Variants in CALB2 observed in about 807,000 individuals in gnomAD.
CALB2 encodes the protein calbindin 2.
In CALB2, 34 loss-of-function variants were observed where a neutral mutation model predicts 45.9. The observed-to-expected ratio is 0.74, with a 90% CI of 0.56 to 0.99. The LOEUF (loss-of-function observed/expected upper bound fraction) is 0.99. CALB2 is among the 50% of genes least tolerant of loss of function. The probability of loss-of-function intolerance (pLI) is 0.00; values close to 1 mark genes in which losing one functional copy is unlikely to be tolerated. For synonymous variants in CALB2, 142 were observed against 129.6 expected (o/e 1.10, Z -0.65); for missense variants, 344 against 339.3 (o/e 1.01, Z -0.11).
rs960968989 is a variant in CALB2, at chr16:71,384,095, G to A, written c.533+70G>A. 1.2e-5 allele frequency: 18 copies of A among 1,531,572 alleles called. No homozygotes were observed. In the African/African-American group the frequency reaches 1.5e-4, roughly 13 times the overall value. The allele number at this position is 1,531,572 out of a possible 1,614,324, so 94.9% of individuals were successfully genotyped here. A position where few individuals can be genotyped will look rare whatever the true frequency, so the allele number is the denominator to read the frequency against. Reference sequence around the variant, plus strand: ...TCATTCCTGTGTTATCCGTCTCTGAGATCCATTGGTGGGAAAGTGACAGGT... The same window carrying A: ...TCATTCCTGTGTTATCCGTCTCTGAAATCCATTGGTGGGAAAGTGACAGGT... On this transcript the variant is annotated intron_variant, in intron 7 of 10. Transcript: ENST00000302628.
intron 4 of CALB2, among the ~76,000 whole-genome samples, chr16:71,379,162 A>G (rs1002720581): frequency 1.3e-5 from 2 of 152,076 alleles, no homozygotes; most frequent in African/African-American, 4.8e-5. Flanking sequence ...CTGTAATCCC[A>G]GCTACTCAGG....
intron 1 of CALB2, among the ~76,000 whole-genome samples, chr16:71,361,629 C>T (rs1259052658): frequency 6.6e-6 from 1 of 152,200 alleles, no homozygotes; most frequent in Non-Finnish European, 1.5e-5. Flanking sequence ...CCCACCCCTT[C>T]TGGATGCTGG....
intron 5 of CALB2, among the ~76,000 whole-genome samples, 175 bp downstream of exon 5, chr16:71,382,950 A>C (rs2042517690): frequency 1.3e-5 from 2 of 151,628 alleles, no homozygotes; most frequent in South Asian, 4.3e-4. Context: ...AGTAACATAG[A>C]GCTGCCAGGC....
intron 1 of CALB2, among the ~76,000 whole-genome samples, chr16:71,368,871 A>G (rs1461584363): frequency 2.6e-5 from 4 of 152,164 alleles, no homozygotes. Context: ...GAGGCACTGG[A>G]TGATTGTCTG....
At chr16:71,381,140 T>C (rs1385913235) in intron 4 of CALB2, among the ~76,000 whole-genome samples, 3 of 152,242 alleles carry the variant, frequency 2.0e-5, no homozygotes, top group African/African-American at 7.2e-5. Context: ...AGGGGGTGTC[T>C]TCCTCTTCTC....
intron 9 of CALB2, chr16:71,385,233 C>A (rs2042557042): frequency 2.9e-6 from 1 of 339,702 alleles, no homozygotes; most frequent in Non-Finnish European, 5.5e-6. Context: ...CTGTCCCCTG[C>A]CCACATGACT....
chr16:71,389,982 A>G lies in CALB2; in HGVS notation c.*117A>G. The G allele has an allele frequency of 1.5e-6, 1 of 685,676 alleles. No homozygotes were observed. The highest frequency in any genetic ancestry group is 2.6e-6 in the Non-Finnish European group (1 of 385,950). 42.5% of individuals were successfully genotyped at this position (685,676 alleles called of 1,614,324 possible). On this transcript the variant is annotated 3_prime_UTR_variant, in exon 11 of 11. Coordinates refer to ENST00000302628, the MANE Select transcript of CALB2 (RefSeq NM_001740.5). ...GCCCCCACCCCTACAGCCTGCACAC[A>G]CCTGCCTGCAGAGCAGGAAATGAGA... is the stretch of plus-strand genomic sequence containing the variant.
At chr16:71,389,280 TC>T (rs2042608924) in intron 10 of CALB2, among the ~76,000 whole-genome samples, 1 of 152,040 alleles carries the variant, frequency 6.6e-6, no homozygotes, top group Non-Finnish European at 1.5e-5. Flanking sequence ...CAGGGAGCTT[TC>T]CTGGCATTCT....
chr16:71,369,635 C>T (rs1444821357), intron 1 of CALB2, among the ~76,000 whole-genome samples: 2 of 152,214 alleles, frequency 1.3e-5, no homozygotes, highest in Admixed American at 1.3e-4. Context: ...CCTGTGGCCT[C>T]TGCTTCACTG....
At chr16:71,388,628 G>A (rs1392813978) in intron 10 of CALB2, among the ~76,000 whole-genome samples, 1 of 152,138 alleles carries the variant, frequency 6.6e-6, no homozygotes, top group Non-Finnish European at 1.5e-5. Flanking sequence ...CAAGAAGCCA[G>A]TGAACAAGAA....
intron 1 of CALB2, among the ~76,000 whole-genome samples, chr16:71,361,707 C>T (rs896052048): frequency 1.3e-5 from 2 of 152,120 alleles, no homozygotes; most frequent in East Asian, 3.9e-4. Flanking sequence ...AGGATGGGGG[C>T]AGGAGGACCC....
chr16:71,383,485 C>T, intron 6 of CALB2, 41 bp downstream of exon 6: 1 of 1,584,122 alleles, frequency 6.3e-7, no homozygotes, highest in Non-Finnish European at 8.7e-7. Context: ...GGGTGCAGGA[C>T]TTGTGCCCCA....
At chr16:71,363,314 T>C (rs1174349123) in intron 1 of CALB2, among the ~76,000 whole-genome samples, 1 of 152,232 alleles carries the variant, frequency 6.6e-6, no homozygotes, top group Non-Finnish European at 1.5e-5. Context: ...TCTGGGCTTC[T>C]GTCCACCTCC....
intron 1 of CALB2, among the ~76,000 whole-genome samples, chr16:71,359,382 G>A (rs1314462334): frequency 1.3e-5 from 2 of 152,228 alleles, no homozygotes; most frequent in Non-Finnish European, 2.9e-5. Flanking sequence ...GAGCAGGAGT[G>A]GAAAATGGCA....
intron 5 of CALB2, 98 bp from the exon 6 acceptor site, chr16:71,383,269 C>T (rs2042521242): frequency 2.8e-6 from 3 of 1,083,382 alleles, no homozygotes; most frequent in Admixed American, 3.9e-5. Flanking sequence ...AAAACACACA[C>T]ACACACATTG....
Position 71,374,845 on chromosome 16 carries a change from C to A in CALB2, c.261+11C>A. The A allele has an allele frequency of 1.3e-6, 2 of 1,589,390 alleles. No individual in the cohort carries two copies. Among genetic ancestry groups the A allele is most frequent in the East Asian group, 4.5e-5 (2 of 44,726 alleles). ...ATCGAGATGGCAGAGGTGAGCCCTG[C>A]CTCGCTGGTAAAGAGCTGTGTGGGA... On this transcript the variant is annotated intron_variant, in intron 3 of 10. Coordinates refer to ENST00000302628, the MANE Select transcript of CALB2 (RefSeq NM_001740.5).
chr16:71,378,270 A>C (rs2144982272), intron 4 of CALB2, among the ~76,000 whole-genome samples: 1 of 151,994 alleles, frequency 6.6e-6, no homozygotes, highest in Non-Finnish European at 1.5e-5. Flanking sequence ...ATCCCTACTC[A>C]AGGAGGCTAA....
At position 71,389,891 on chromosome 16, in the gene CALB2, C is replaced by T. The variant is rs769415395; in HGVS notation, c.*26C>T. ...AGTGGGGACGGGGGCTGCTTCTCCA[C>T]CTCCCCCAAACCCTGCTTCTGCTGC... is the stretch of plus-strand genomic sequence containing the variant. On this transcript the variant is annotated 3_prime_UTR_variant, in exon 11 of 11. Coordinates refer to ENST00000302628, the MANE Select transcript of CALB2 (RefSeq NM_001740.5). The T allele has an allele frequency of 8.5e-6, 13 of 1,537,942 alleles. 1 individual carries two copies. In the South Asian group the frequency reaches 1.3e-4, roughly 16 times the overall value.
intron 2 of CALB2, 96 bp downstream of exon 2, chr16:71,372,325 T>A (rs1253324873): frequency 2.4e-6 from 2 of 818,010 alleles, no homozygotes; most frequent in African/African-American, 3.5e-5. Context: ...GCAGGCCTCA[T>A]ATCGCTGGTC....
Sources: gnomAD v4.1 joint callset for allele counts (sites outside exome capture counted in the v4.1 genomes callset) on GRCh38, gnomAD v4.1.1 for gene constraint, MANE v1.5 for transcripts, NCBI Gene and HGNC (gene_info 2026-07-23, HGNC 2026-07-21) for gene names.